Variants in FGFR2 observed in about 807,000 individuals in gnomAD.
FGFR2 encodes the protein BEK fibroblast growth factor receptor.
A neutral mutation model predicts 95.9 loss-of-function variants in FGFR2; 19 were observed. The ratio of observed to expected loss-of-function variants is 0.20; its 90% CI spans 0.14 to 0.29. The LOEUF is 0.29. Ranked by LOEUF, FGFR2 falls within the 10% of genes least tolerant of loss-of-function variation. FGFR2 has a pLI of 1.00. For synonymous variants in FGFR2, 392 were observed against 393.3 expected (o/e 1.00, Z 0.04); for missense variants, 707 against 1,056.9 (o/e 0.67, Z 4.59).
rs1300419193 is a variant in FGFR2 at position 121,479,758 on chromosome 10, T to C, written c.*99A>G. The stretch of plus-strand genomic sequence containing the variant: ...ATTATTTACTCCTCTGATCCATATA[T>C]ACAAGTGGAGACAACAAGCTCTGGG... On this transcript the variant is annotated 3_prime_UTR_variant, in exon 18 of 18. Coordinates refer to ENST00000358487, the MANE Select transcript of FGFR2 (RefSeq NM_000141.5). The C allele has an allele frequency of 3.7e-6, 6 of 1,613,020 alleles. No individual in the cohort carries two copies. Among genetic ancestry groups the C allele is most frequent in the African/African-American group, 1.3e-5 (1 of 75,040 alleles).
At chr10:121,558,604 T>A (rs1856509164) in intron 4 of FGFR2, among the ~76,000 whole-genome samples, 1 of 138,172 alleles carries the variant, frequency 7.2e-6, no homozygotes, top group African/African-American at 3.5e-5. Context: ...ATAGATACAG[T>A]TTTTTGTTTT....
rs2278202 is a variant in FGFR2 at position 121,483,683 on chromosome 10, G to A, written c.2301+15C>T. ...GACAACCAAGGACAAGGGGCTTCTA[G>A]AAGGAAGTTCTTACCTCATTGGTTG... is the stretch of plus-strand genomic sequence containing the variant. On this transcript the variant is annotated intron_variant, in intron 17 of 17. Coordinates refer to ENST00000358487, the MANE Select transcript of FGFR2 (RefSeq NM_000141.5). The A allele has an allele frequency of 0.57, 906,139 of 1,591,672 alleles. 267,249 individuals carry two copies. The highest frequency in any genetic ancestry group is 0.72 in the Admixed American group (43,062 of 59,658).
intron 5 of FGFR2, among the ~76,000 whole-genome samples, chr10:121,541,019 G>A (rs1853665907): frequency 6.6e-6 from 1 of 152,088 alleles, no homozygotes; most frequent in Non-Finnish European, 1.5e-5. Context: ...GTCAGCTCAA[G>A]TCTCTCACTG....
intron 4 of FGFR2, among the ~76,000 whole-genome samples, chr10:121,555,972 G>A (rs1182747039): frequency 6.6e-6 from 1 of 152,140 alleles, no homozygotes; most frequent in Non-Finnish European, 1.5e-5. Context: ...CTTTGTGATA[G>A]ATGTGTGCTT....
intron 1 of FGFR2, among the ~76,000 whole-genome samples, chr10:121,595,116 C>G (rs141451597): frequency 6.1e-4 from 93 of 152,304 alleles, no homozygotes; most frequent in African/African-American, 2.0e-3. Context: ...ATTCTGTGAA[C>G]CACAGGAATG....
chr10:121,586,072 G>C (rs1187909167), intron 2 of FGFR2, among the ~76,000 whole-genome samples: 1 of 152,150 alleles, frequency 6.6e-6, no homozygotes, highest in Admixed American at 6.5e-5. Context: ...CACACAGTTG[G>C]CCTTTTCAAT....
intron 2 of FGFR2, chr10:121,583,666 A>G (rs1564737280): frequency 1.3e-5 from 2 of 153,606 alleles, no homozygotes. Flanking sequence ...TGGATGTGTG[A>G]GAAAGAAACA....
chr10:121,526,448 T>C (rs964727772), intron 6 of FGFR2, among the ~76,000 whole-genome samples: 2 of 152,230 alleles, frequency 1.3e-5, no homozygotes, highest in African/African-American at 4.8e-5. Context: ...AATGAGTTCA[T>C]TGCCTTGTCA....
intron 14 of FGFR2, 109 bp downstream of exon 14, chr10:121,487,882 A>C: frequency 1.8e-5 from 23 of 1,310,082 alleles, no homozygotes; most frequent in Non-Finnish European, 2.4e-5. Context: ...GGGCAGGGGA[A>C]TGGGTCCCCA....
chr10:121,551,143 C>G, intron 5 of FGFR2, 147 bp downstream of exon 5: 1 of 872,896 alleles, frequency 1.1e-6, no homozygotes, highest in Non-Finnish European at 1.8e-6. Context: ...TCGCTTGAAC[C>G]TGGGAGATGG....
chr10:121,554,084 T>C (rs377172352), intron 4 of FGFR2, among the ~76,000 whole-genome samples: 7 of 152,314 alleles, frequency 4.6e-5, no homozygotes, highest in African/African-American at 1.7e-4. Context: ...GCTACACCTA[T>C]AAAATCTGCT....
chr10:121,549,770 C>G (rs1376342323), intron 5 of FGFR2, among the ~76,000 whole-genome samples: 1 of 152,174 alleles, frequency 6.6e-6, no homozygotes, highest in African/African-American at 2.4e-5. Context: ...TGAATCCTAA[C>G]AGCAACCACA....
chr10:121,589,205 C>A (rs966927592), intron 2 of FGFR2, among the ~76,000 whole-genome samples: 1 of 152,162 alleles, frequency 6.6e-6, no homozygotes, highest in African/African-American at 2.4e-5. Context: ...GACTAAAATT[C>A]GCTTCCATGG....
chr10:121,485,717 G>C lies in FGFR2; in HGVS notation c.2058-185C>G, dbSNP rs544937216. Among the ~76,000 whole-genome samples, 1 of 152,338 alleles carries C rather than the reference G, an allele frequency of 6.6e-6. No individual in the cohort carries two copies. The highest frequency in any genetic ancestry group is 2.1e-4 in the South Asian group (1 of 4,830). The stretch of plus-strand genomic sequence containing the variant: ...CATCCCCGAATGATGATGACACGGG[G>C]ATGTGCTGATGGAATTTTCCATCAA... On this transcript the variant is annotated intron_variant, in intron 15 of 17. Coordinates refer to ENST00000358487, the MANE Select transcript of FGFR2 (RefSeq NM_000141.5). This position sits in a 1 kb window ranked among gnomAD's most constrained non-coding sequence, Gnocchi z 4.2.
chr10:121,506,395 G>A (rs994504068), intron 9 of FGFR2, among the ~76,000 whole-genome samples: 1 of 149,490 alleles, frequency 6.7e-6, no homozygotes, highest in Non-Finnish European at 1.5e-5. Flanking sequence ...GCAATGGGAC[G>A]ACTTCCGCAA....
chr10:121,544,049 T>C (rs917151615), intron 5 of FGFR2, among the ~76,000 whole-genome samples: 3 of 152,316 alleles, frequency 2.0e-5, no homozygotes, highest in African/African-American at 7.2e-5. Flanking sequence ...GAGAAACTTA[T>C]AGCAAGGACT....
intron 9 of FGFR2, among the ~76,000 whole-genome samples, chr10:121,506,083 C>A (rs1049118216): frequency 6.6e-6 from 1 of 152,022 alleles, no homozygotes; most frequent in Admixed American, 6.6e-5. Context: ...GCCGGCCAGG[C>A]GCGGTGGCTC....
chr10:121,520,282 C>T, intron 6 of FGFR2, 113 bp from the exon 7 acceptor site: 1 of 1,087,546 alleles, frequency 9.2e-7, no homozygotes, highest in Non-Finnish European at 1.3e-6. Context: ...AGCCTCAAGC[C>T]TGCTGGCTGA....
At chr10:121,530,506 C>T (rs1241501705) in intron 6 of FGFR2, 1 of 152,396 alleles carries the variant, frequency 6.6e-6, no homozygotes, top group Non-Finnish European at 1.5e-5. Context: ...GCCTATAATC[C>T]CAGCTACCAG....
Sources: allele counts gnomAD v4.1 joint callset (sites outside exome capture counted in the v4.1 genomes callset), GRCh38; gene constraint gnomAD v4.1.1; non-coding constraint Gnocchi (gnomAD v3.1); transcripts MANE v1.5; gene names NCBI Gene and HGNC (gene_info 2026-07-23, HGNC 2026-07-21).